Variants in CELSR3 observed in about 807,000 individuals in gnomAD.
CELSR3 encodes the protein cadherin EGF LAG seven-pass G-type receptor 3.
Under a neutral mutation model 270.0 loss-of-function variants are expected in CELSR3, and 73 were observed. That is an observed-to-expected ratio of 0.27 (90% confidence interval 0.22 to 0.33). The LOEUF is 0.33. CELSR3 is among the 10% of genes least tolerant of loss of function. The pLI is 1.00. For missense variants in CELSR3, 3,614 were observed against 4,533.8 expected, an observed-to-expected ratio of 0.80 and a Z score of 5.83; for synonymous variants, 1,780 against 1,905.4, an observed-to-expected ratio of 0.93 and a Z score of 1.71.
At position 48,640,693 on chromosome 3, in the gene CELSR3, C is replaced by T; in HGVS notation, c.9026-134G>A. ...ATGGGAGCAGGAACCCCTTGGGGAG[C>T]AGCAGAGGCAACCCTGGTGGTCCCA... On this transcript the variant is annotated intron_variant, in intron 33 of 34. Coordinates refer to ENST00000164024, the MANE Select transcript of CELSR3 (RefSeq NM_001407.3). The surrounding 1 kb of genome is among the most constrained non-coding windows in gnomAD (Gnocchi z 7.5). 3 of 960,520 alleles carry T rather than the reference C, an allele frequency of 3.1e-6. No homozygotes were observed. Among genetic ancestry groups the T allele is most frequent in the Non-Finnish European group, 4.5e-6 (3 of 669,908 alleles). The allele number at this position is 960,520 out of a possible 1,614,324, so 59.5% of individuals were successfully genotyped here. A position where few individuals can be genotyped will look rare whatever the true frequency, so the allele number is the denominator to read the frequency against.
In CELSR3 at chr3:48,641,738, C is replaced by T. The variant is rs1241964593; in HGVS notation, c.8824+113G>A. ...GACTAAAAGTTGGGGAACCTGATGA[C>T]TGAGGGGTCAGAAAGACCAGGATGA... On this transcript the variant is annotated intron_variant, in intron 32 of 34. Coordinates refer to ENST00000164024, the MANE Select transcript of CELSR3 (RefSeq NM_001407.3). This position sits in a 1 kb window ranked among gnomAD's most constrained non-coding sequence, Gnocchi z 4.8. The T allele has an allele frequency of 8.7e-7, 1 of 1,151,548 alleles. No homozygotes were observed. The allele number at this position is 1,151,548 out of a possible 1,614,324, so 71.3% of individuals were successfully genotyped here. A position where few individuals can be genotyped will look rare whatever the true frequency, so the allele number is the denominator to read the frequency against.
chr3:48,640,728 C>A lies in CELSR3; in HGVS notation c.9026-169G>T. On this transcript the variant is annotated intron_variant, in intron 33 of 34. Coordinates refer to ENST00000164024, the MANE Select transcript of CELSR3 (RefSeq NM_001407.3). The surrounding 1 kb of genome is among the most constrained non-coding windows in gnomAD (Gnocchi z 7.5). Reference sequence around the variant, plus strand: ...AACCCTGGTGGTCCCAGAGAGGCAGCAGGACAGGGGTCAGAGTGGAAGGGC... The same window carrying A: ...AACCCTGGTGGTCCCAGAGAGGCAGAAGGACAGGGGTCAGAGTGGAAGGGC... The A allele has an allele frequency of 1.5e-6, 1 of 677,458 alleles. No individual in the cohort carries two copies. Among genetic ancestry groups the A allele is most frequent in the South Asian group, 2.1e-5 (1 of 47,258 alleles). The allele number at this position is 677,458 out of a possible 1,614,324, so 42.0% of individuals were successfully genotyped here. A position where few individuals can be genotyped will look rare whatever the true frequency, so the allele number is the denominator to read the frequency against.
chr3:48,658,058 C>A lies in CELSR3; in HGVS notation c.3749-710G>T, dbSNP rs1034170655. 6.6e-6 allele frequency among the ~76,000 whole-genome samples: 1 copy of A among 152,180 alleles called. No individual in the cohort carries two copies. The highest frequency in any genetic ancestry group is 2.4e-5 in the African/African-American group (1 of 41,434). On this transcript the variant is annotated intron_variant, in intron 1 of 34. Transcript: ENST00000164024. This position sits in a 1 kb window ranked among gnomAD's most constrained non-coding sequence, Gnocchi z 4.7. ...GGGTCCTGTGGTTTCACAGTGACCA[C>A]CCCAGAGATGAAGGTGAGGTGCTTA...
rs1293177206 is a variant in CELSR3, at chr3:48,653,592, G to T, written c.5448+27C>A. ...CGGCCTAAGAGACTGAGAACTGAGGGTATAGGGGTGAGCAGGGTGGACACA... is the reference window on the plus strand; with the variant it reads ...CGGCCTAAGAGACTGAGAACTGAGGTTATAGGGGTGAGCAGGGTGGACACA... On this transcript the variant is annotated intron_variant, in intron 9 of 34. Transcript: ENST00000164024. This position sits in a 1 kb window ranked among gnomAD's most constrained non-coding sequence, Gnocchi z 6.5. 1.9e-6 allele frequency: 3 copies of T among 1,609,802 alleles called. No individual in the cohort carries two copies. Among genetic ancestry groups the T allele is most frequent in the East Asian group, 2.2e-5 (1 of 44,816 alleles).
intron 2 of CELSR3, 97 bp downstream of exon 2, chr3:48,656,601 T>C (rs2077024063): frequency 7.2e-7 from 1 of 1,386,956 alleles, no homozygotes; most frequent in Admixed American, 3.0e-5. Flanking sequence ...TACCAGGCCG[T>C]GGCCTCAGAA....
Position 48,641,925 on chromosome 3 carries a change from C to A in CELSR3, c.8750G>T (p.Gly2917Val). The A allele has an allele frequency of 6.2e-7, 1 of 1,601,466 alleles. No homozygotes were observed. The highest frequency in any genetic ancestry group is 2.3e-5 in the East Asian group (1 of 44,042). Residue 2917 changes from glycine (G) to valine (V), a missense_variant, in exon 32 of 35, where the codon GGC becomes GTC. Physicochemically the swap from Gly to Val is moderately radical, Grantham distance 109. Around this residue, in one of 7 missense-constraint regions of CELSR3, gnomAD observed 1,240 missense variants for 1,351.7 expected, o/e 0.92. Coordinates refer to ENST00000164024, the MANE Select transcript of CELSR3 (RefSeq NM_001407.3). The surrounding 1 kb of genome is among the most constrained non-coding windows in gnomAD (Gnocchi z 4.8). ...SIPSSESEDNGRTRGRFQRPL... is the reference protein window; with the variant it reads ...SIPSSESEDNVRTRGRFQRPL... ...CCGTTGGAAGCGCCCCCGCGTCCGGCCATTGTCCTCGCTTTCTGAAGATGG... is the reference window on the plus strand; with the variant it reads ...CCGTTGGAAGCGCCCCCGCGTCCGGACATTGTCCTCGCTTTCTGAAGATGG...
Position 48,654,109 on chromosome 3 carries a change from C to T in CELSR3, c.5153-106G>A, listed in dbSNP as rs1258138454. ...GGGCTGAAAGAGACCAAGATCTCAG[C>T]CCCATTTCCCATTTTCTTTCGATGA... On this transcript the variant is annotated intron_variant, in intron 7 of 34. Transcript: ENST00000164024. This position sits in a 1 kb window ranked among gnomAD's most constrained non-coding sequence, Gnocchi z 5.4. 3 of 1,526,942 alleles carry T rather than the reference C, an allele frequency of 2.0e-6. No individual in the cohort carries two copies. The highest frequency in any genetic ancestry group is 2.7e-6 in the Non-Finnish European group (3 of 1,128,662). The allele number at this position is 1,526,942 out of a possible 1,614,324, so 94.6% of individuals were successfully genotyped here. A position where few individuals can be genotyped will look rare whatever the true frequency, so the allele number is the denominator to read the frequency against.
Position 48,645,990 on chromosome 3 carries a change from G to A in CELSR3, c.7463+100C>T, listed in dbSNP as rs112373464. 5.7e-6 allele frequency: 9 copies of A among 1,575,908 alleles called. No individual in the cohort carries two copies. In the African/African-American group the frequency reaches 1.1e-4, roughly 19 times the overall value. On this transcript the variant is annotated intron_variant, in intron 22 of 34. Coordinates refer to ENST00000164024, the MANE Select transcript of CELSR3 (RefSeq NM_001407.3). This position sits in a 1 kb window ranked among gnomAD's most constrained non-coding sequence, Gnocchi z 5.4. ...TACAGCATTCCTCATGGTCCGGGTT[G>A]CACAACAGCACTAGTGGGGGCCCCA...
chr3:48,637,889 C>G lies in CELSR3; in HGVS notation c.*316G>C. ...ATGGGGTCAAACTGCATCTCTCCCT[C>G]TATCTCCCTCCCCCTCCCAGCCCAG... On this transcript the variant is annotated 3_prime_UTR_variant, in exon 35 of 35. Coordinates refer to ENST00000164024, the MANE Select transcript of CELSR3 (RefSeq NM_001407.3). 2.6e-6 allele frequency: 1 copy of G among 382,630 alleles called. No individual in the cohort carries two copies. Among genetic ancestry groups the G allele is most frequent in the Non-Finnish European group, 4.9e-6 (1 of 205,004 alleles). 23.7% of individuals were successfully genotyped at this position (382,630 alleles called of 1,614,324 possible).
At position 48,657,172 on chromosome 3, in the gene CELSR3, C is replaced by T. The variant is rs1341582417; in HGVS notation, c.3925G>A (p.Asp1309Asn). ...TTCTGGATGTTGAAGATGAAGACGT[C>T]CTCAGCGGGCGTAGCGAGCACCGCA... The part of the protein sequence containing the change: ...VAAVLATPAE[D>N]VFIFNIQNDT... Residue 1309 changes from aspartate (D) to asparagine (N), a missense_variant, in exon 2 of 35, where the codon GAC (aspartate) becomes AAC (asparagine). By Grantham distance (23) the Asp-to-Asn change is conservative. Coordinates refer to ENST00000164024, the MANE Select transcript of CELSR3 (RefSeq NM_001407.3). The surrounding 1 kb of genome is among the most constrained non-coding windows in gnomAD (Gnocchi z 5.4). 2.5e-6 allele frequency: 4 copies of T among 1,613,912 alleles called. No homozygotes were observed. Among genetic ancestry groups the T allele is most frequent in the Non-Finnish European group, 3.4e-6 (4 of 1,179,972 alleles).
rs775870951 is a variant in CELSR3, at chr3:48,660,966, C to T, written c.1669G>A (p.Asp557Asn). 2 of 1,613,936 alleles carry T rather than the reference C, an allele frequency of 1.2e-6. No individual in the cohort carries two copies. Among genetic ancestry groups the T allele is most frequent in the Admixed American group, 3.3e-5 (2 of 60,026 alleles). ...AGCACGACTGTGTGGGGGCGCACAT[C>T]CTCGCGCACCTGCGCCACGTAGCGC... ...EKRYVAQVRE[D>N]VRPHTVVLRV... Residue 557 changes from aspartate to asparagine, a missense_variant, in exon 1 of 35, where the codon GAT (aspartate) becomes AAT (asparagine). Physicochemically the swap from Asp to Asn is conservative, Grantham distance 23. Coordinates refer to ENST00000164024, the MANE Select transcript of CELSR3 (RefSeq NM_001407.3). This position sits in a 1 kb window ranked among gnomAD's most constrained non-coding sequence, Gnocchi z 5.5.
In CELSR3 at chr3:48,641,380, G is replaced by A. The variant is rs138606642; in HGVS notation, c.8969C>T (p.Pro2990Leu). 22 of 1,612,428 alleles carry A rather than the reference G, an allele frequency of 1.4e-5. No individual in the cohort carries two copies. The highest frequency in any genetic ancestry group is 1.7e-4 in the Middle Eastern group (1 of 6,006). Reference protein sequence around the residue: ...KDAANNNQPDPALTSGDETSL... With the variant: ...KDAANNNQPDLALTSGDETSL... ...AGTCTCATCCCCACTGGTCAGGGCCGGGTCTGGCTGGTTGTTGTTAGCTGC... is the reference window on the plus strand; with the variant it reads ...AGTCTCATCCCCACTGGTCAGGGCCAGGTCTGGCTGGTTGTTGTTAGCTGC... The change falls in exon 33 of 35, where the codon CCG becomes CTG. Residue 2990 changes from proline to leucine, a missense_variant. Pro to Leu is a moderately conservative substitution (Grantham distance 98). Coordinates refer to ENST00000164024, the MANE Select transcript of CELSR3 (RefSeq NM_001407.3). This position sits in a 1 kb window ranked among gnomAD's most constrained non-coding sequence, Gnocchi z 4.8.
rs2077030390 is a variant in CELSR3 at position 48,657,102 on chromosome 3, G to A, written c.3995C>T (p.Ala1332Val). 1 of 1,613,920 alleles carries A rather than the reference G, an allele frequency of 6.2e-7. No individual in the cohort carries two copies. Among genetic ancestry groups the A allele is most frequent in the Non-Finnish European group, 8.5e-7 (1 of 1,179,946 alleles). ...CGCCCCGGCCCCACGTGGAGCTAGC[G>A]CCGAGAAACTCACATTGAGCACGGT... ...GGTVLNVSFS[A>V]LAPRGAGAGA... Residue 1332 changes from alanine to valine, a missense_variant, in exon 2 of 35, where the codon GCG becomes GTG. Physicochemically the swap from Ala to Val is moderately conservative, Grantham distance 64. Around this residue, in one of 7 missense-constraint regions of CELSR3, gnomAD observed 1,331 missense variants for 1,933.7 expected, o/e 0.69. Transcript: ENST00000164024. This position sits in a 1 kb window ranked among gnomAD's most constrained non-coding sequence, Gnocchi z 5.4.
chr3:48,652,493 C>T lies in CELSR3; in HGVS notation c.5695G>A (p.Gly1899Ser). The T allele has an allele frequency of 2.5e-6, 4 of 1,613,738 alleles. No homozygotes were observed. Among genetic ancestry groups the T allele is most frequent in the Non-Finnish European group, 3.4e-6 (4 of 1,179,970 alleles). Reference protein sequence around the residue: ...GLKVKQLHVGGLPPGSAEEAP... With the variant: ...GLKVKQLHVGSLPPGSAEEAP... ...TCCTCTGCACTGCCGGGGGGCAGGC[C>T]TCCCACGTGGAGCTGCTTTACCTTC... The change falls in exon 11 of 35, where the codon GGC becomes AGC. Residue 1899 changes from glycine (G) to serine (S), a missense_variant. Transcript: ENST00000164024. This position sits in a 1 kb window ranked among gnomAD's most constrained non-coding sequence, Gnocchi z 4.3.
In CELSR3 at chr3:48,656,845, C is replaced by T; in HGVS notation, c.4252G>A (p.Gly1418Ser). The T allele has an allele frequency of 1.2e-6, 2 of 1,609,016 alleles. No individual in the cohort carries two copies. The highest frequency in any genetic ancestry group is 1.7e-6 in the Non-Finnish European group (2 of 1,177,568). Residue 1418 changes from glycine to serine, a missense_variant, in exon 2 of 35, where the codon GGC (glycine) becomes AGC (serine). Gly to Ser is a moderately conservative substitution (Grantham distance 56). Coordinates refer to ENST00000164024, the MANE Select transcript of CELSR3 (RefSeq NM_001407.3). ...TLFRPIQPIAGLRCRCPPGFT... is the reference protein window; with the variant it reads ...TLFRPIQPIASLRCRCPPGFT... ...CCGGGCGGGCAGCGGCAGCGCAGGC[C>T]AGCGATGGGCTGGATGGGTCGGAAC...
At chr3:48,649,843 AC>A (rs1056894560) in intron 16 of CELSR3, among the ~76,000 whole-genome samples, 5 of 152,184 alleles carry the variant, frequency 3.3e-5, no homozygotes, top group African/African-American at 1.2e-4. Flanking sequence ...AGACACGTGC[AC>A]AGGCACAGAG....
At position 48,651,062 on chromosome 3, in the gene CELSR3, C is replaced by A. The variant is rs573133214; in HGVS notation, c.6200G>T (p.Arg2067Leu). The A allele has an allele frequency of 1.9e-6, 3 of 1,566,422 alleles. No individual in the cohort carries two copies. The East Asian group carries it at 6.7e-5, about 35-fold the overall frequency. The change falls in exon 15 of 35, where the codon CGA becomes CTA. Residue 2067 changes from arginine (R) to leucine (L), a missense_variant. This residue lies in a region of CELSR3 where 1,331 missense variants were observed against 1,933.7 expected (regional missense o/e 0.69). Transcript: ENST00000164024. The surrounding 1 kb of genome is among the most constrained non-coding windows in gnomAD (Gnocchi z 7.4). ...GAGGCAAGAGTCACTGCCCCGCGGTCGGTAGTGGAACTCCTGTTTGAGGAT... is the reference window on the plus strand; with the variant it reads ...GAGGCAAGAGTCACTGCCCCGCGGTAGGTAGTGGAACTCCTGTTTGAGGAT... Reference protein sequence around the residue: ...GQCHCKEFHYRPRGSDSCLPC... With the variant: ...GQCHCKEFHYLPRGSDSCLPC...
rs2047024096 is a variant in CELSR3 at position 48,641,302 on chromosome 3, G to A, written c.9025+22C>T. ...CAGCCCCCAGCGTGTCTGCGGTGTG[G>A]GCCAGGGCTCAGGGACTGTACCTTT... On this transcript the variant is annotated intron_variant, in intron 33 of 34. Coordinates refer to ENST00000164024, the MANE Select transcript of CELSR3 (RefSeq NM_001407.3). This position sits in a 1 kb window ranked among gnomAD's most constrained non-coding sequence, Gnocchi z 4.8. 6.5e-7 allele frequency: 1 copy of A among 1,531,356 alleles called. No individual in the cohort carries two copies. Among genetic ancestry groups the A allele is most frequent in the African/African-American group, 1.4e-5 (1 of 73,470 alleles). The allele number at this position is 1,531,356 out of a possible 1,614,324, so 94.9% of individuals were successfully genotyped here.
rs2047033736 is a variant in CELSR3 at position 48,642,218 on chromosome 3, G to A, written c.8665+140C>T. The A allele has an allele frequency of 3.1e-6, 3 of 953,590 alleles. No homozygotes were observed. The highest frequency in any genetic ancestry group is 5.3e-5 in the East Asian group (2 of 37,890). 59.1% of individuals were successfully genotyped at this position (953,590 alleles called of 1,614,324 possible). On this transcript the variant is annotated intron_variant, in intron 31 of 34. Coordinates refer to ENST00000164024, the MANE Select transcript of CELSR3 (RefSeq NM_001407.3). This position sits in a 1 kb window ranked among gnomAD's most constrained non-coding sequence, Gnocchi z 6.1. ...GGACTGGGAGAACCAGGGCTGGAGA[G>A]GTAGGTGCCTCCTGAGGCAGGGACC...
Sources: allele counts gnomAD v4.1 joint callset (sites outside exome capture counted in the v4.1 genomes callset), GRCh38; gene constraint gnomAD v4.1.1; regional missense constraint gnomAD v4.1.1; non-coding constraint Gnocchi (gnomAD v3.1); transcripts MANE v1.5; gene names NCBI Gene and HGNC (gene_info 2026-07-23, HGNC 2026-07-21).